Variants in MLLT1 observed in about 807,000 individuals in gnomAD.
The protein encoded by MLLT1 is MLLT1 super elongation complex subunit.
Under a neutral mutation model 55.1 loss-of-function variants are expected in MLLT1, and 11 were observed. That is an observed-to-expected ratio of 0.20 (90% CI 0.13 to 0.33). The LOEUF (loss-of-function observed/expected upper bound fraction) is 0.33. MLLT1 is among the 10% of genes least tolerant of loss of function. The pLI is 1.00. For synonymous variants in MLLT1, 323 were observed against 320.1 expected (o/e 1.01, Z -0.10); for missense variants, 536 against 760.6 (o/e 0.70, Z 3.47).
chr19:6,248,277 C>G (rs1322631993), intron 3 of MLLT1, among the ~76,000 whole-genome samples: 2 of 152,216 alleles, frequency 1.3e-5, no homozygotes, highest in African/African-American at 4.8e-5. Context: ...AACAGGTTAT[C>G]TGCACAGCTT....
chr19:6,213,281 A>C (rs2090799548), intron 11 of MLLT1, 56 bp downstream of exon 11: 3 of 1,608,846 alleles, frequency 1.9e-6, no homozygotes, highest in Non-Finnish European at 2.6e-6. Context: ...CCCGCAGCCC[A>C]CACTCCTCAC....
chr19:6,269,579 A>G (rs1379136978), intron 2 of MLLT1, among the ~76,000 whole-genome samples: 1 of 152,140 alleles, frequency 6.6e-6, no homozygotes, highest in Non-Finnish European at 1.5e-5. Context: ...GTCAACGCCC[A>G]TCACTTCCCC....
In MLLT1 at chr19:6,213,421, G is replaced by A. The variant is rs754458618; in HGVS notation, c.1480-13C>T. 7.5e-6 allele frequency: 12 copies of A among 1,608,852 alleles called. No homozygotes were observed. The highest frequency in any genetic ancestry group is 4.4e-5 in the South Asian group (4 of 91,046). On this transcript the variant is annotated splice_polypyrimidine_tract_variant and intron_variant, in intron 10 of 11. Transcript: ENST00000252674. ...CATCCGTGTAGGCCTGGGGAGGGGGGGCAGGTCTCAGCAGCGTGTGGGGGC... is the reference window on the plus strand; with the variant it reads ...CATCCGTGTAGGCCTGGGGAGGGGGAGCAGGTCTCAGCAGCGTGTGGGGGC...
chr19:6,231,477 G>C lies in MLLT1; in HGVS notation c.277-764C>G, dbSNP rs2091009612. On this transcript the variant is annotated intron_variant, in intron 3 of 11. Transcript: ENST00000252674. This position sits in a 1 kb window ranked among gnomAD's most constrained non-coding sequence, Gnocchi z 5.1. ...CTGTGGAGGCCTAGCCACATGTGCAGGGGCTGTGTTTCTGTGAACCTTGAA... is the reference window on the plus strand; with the variant it reads ...CTGTGGAGGCCTAGCCACATGTGCACGGGCTGTGTTTCTGTGAACCTTGAA... Among the ~76,000 whole-genome samples the C allele has an allele frequency of 6.6e-6, 1 of 152,152 alleles. No homozygotes were observed. Among genetic ancestry groups the C allele is most frequent in the Non-Finnish European group, 1.5e-5 (1 of 68,030 alleles).
intron 10 of MLLT1, 150 bp from the exon 11 acceptor site, chr19:6,213,558 C>T: frequency 1.0e-6 from 1 of 983,022 alleles, no homozygotes; most frequent in African/African-American, 1.6e-5. Context: ...GCAGGGGCAG[C>T]CCCTCAGCTC....
In MLLT1 at chr19:6,213,751, A is replaced by G; in HGVS notation, c.1454T>C (p.Ile485Thr). 1.9e-6 allele frequency: 3 copies of G among 1,567,932 alleles called. No homozygotes were observed. The highest frequency in any genetic ancestry group is 2.6e-6 in the Non-Finnish European group (3 of 1,159,794). Residue 485 changes from isoleucine (I) to threonine (T), a missense_variant, in exon 10 of 12, where the codon ATC (isoleucine) becomes ACC (threonine). Ile to Thr is a moderately conservative substitution (Grantham distance 89, BLOSUM62 -1). Transcript: ENST00000252674. The stretch of plus-strand genomic sequence containing the variant: ...CTTGTCGTAGGTGCCCTTCTTGAGG[A>G]TCTTCTCAGGCTTGCTGCAGGACTC... ...SPESCSKPEK[I>T]LKKGTYDKAY...
At position 6,262,381 on chromosome 19, in the gene MLLT1, C is replaced by T; in HGVS notation, c.194-71G>A. ...TCAGGCCCAGCTGCCAGCGGCAGTA[C>T]CGCACCCCTCAACCCCACCACCTCC... On this transcript the variant is annotated intron_variant, in intron 2 of 11. Transcript: ENST00000252674. This position sits in a 1 kb window ranked among gnomAD's most constrained non-coding sequence, Gnocchi z 4.4. The T allele has an allele frequency of 2.2e-6, 3 of 1,345,732 alleles. No individual in the cohort carries two copies. Among genetic ancestry groups the T allele is most frequent in the South Asian group, 1.2e-5 (1 of 84,190 alleles). The allele number at this position is 1,345,732 out of a possible 1,614,324, so 83.4% of individuals were successfully genotyped here. A position where few individuals can be genotyped will look rare whatever the true frequency, so the allele number is the denominator to read the frequency against.
rs115144574 is a variant in MLLT1 at position 6,235,735 on chromosome 19, C to T, written c.277-5022G>A. 0.012 allele frequency among the ~76,000 whole-genome samples: 1,891 copies of T among 152,272 alleles called. 31 individuals carry two copies. The highest frequency in any genetic ancestry group is 0.039 in the African/African-American group (1,614 of 41,550). On this transcript the variant is annotated intron_variant, in intron 3 of 11. Coordinates refer to ENST00000252674, the MANE Select transcript of MLLT1 (RefSeq NM_005934.4). The surrounding 1 kb of genome is among the most constrained non-coding windows in gnomAD (Gnocchi z 5.5). ...TTCCACCACAGCCCCCTTTCAGGCA[C>T]GGTATCTCCATGGGCTCAGGGCTCA...
intron 6 of MLLT1, among the ~76,000 whole-genome samples, chr19:6,220,204 G>C (rs2090883694): frequency 6.6e-6 from 1 of 152,238 alleles, no homozygotes; most frequent in African/African-American, 2.4e-5. Flanking sequence ...ACAGCCTCTG[G>C]GGAGGAGCAG....
At position 6,226,500 on chromosome 19, in the gene MLLT1, CCTG is replaced by C. The variant is rs2090958452; in HGVS notation, c.546+474_546+476del. Among the ~76,000 whole-genome samples, 2 of 152,154 alleles carry C rather than the reference CCTG, an allele frequency of 1.3e-5. No individual in the cohort carries two copies. The highest frequency in any genetic ancestry group is 3.2e-3 in the Middle Eastern group (1 of 314). ...TTCAGCTGGCACCCACCTGGCTTCC[CCTG>C]CCCTTCCCCCACGAAACTCTGCAGT... On this transcript the variant is annotated intron_variant, in intron 5 of 11. Coordinates refer to ENST00000252674, the MANE Select transcript of MLLT1 (RefSeq NM_005934.4). The surrounding 1 kb of genome is among the most constrained non-coding windows in gnomAD (Gnocchi z 6.3).
intron 2 of MLLT1, among the ~76,000 whole-genome samples, chr19:6,268,615 T>C (rs1371140485): frequency 6.6e-6 from 1 of 152,202 alleles, no homozygotes; most frequent in Non-Finnish European, 1.5e-5. Context: ...GTTCACTCCC[T>C]CTCTAAAGTT....
At chr19:6,252,939 C>T (rs1474066806) in intron 3 of MLLT1, among the ~76,000 whole-genome samples, 1 of 152,002 alleles carries the variant, frequency 6.6e-6, no homozygotes, top group Non-Finnish European at 1.5e-5. Flanking sequence ...GTAAATAAGA[C>T]ATAACCTTAG....
At chr19:6,255,502 A>C (rs558226179) in intron 3 of MLLT1, among the ~76,000 whole-genome samples, 1 of 152,304 alleles carries the variant, frequency 6.6e-6, no homozygotes, top group South Asian at 2.1e-4. Flanking sequence ...AAACAAAACA[A>C]GGCAAAAAAA....
intron 1 of MLLT1, among the ~76,000 whole-genome samples, chr19:6,274,382 C>T (rs962787942): frequency 6.6e-6 from 1 of 152,216 alleles, no homozygotes; most frequent in Non-Finnish European, 1.5e-5. Flanking sequence ...AACCACCCCC[C>T]TTCCCCCACA....
At chr19:6,234,995 T>C (rs1299853643) in intron 3 of MLLT1, among the ~76,000 whole-genome samples, 3 of 152,050 alleles carry the variant, frequency 2.0e-5, no homozygotes, top group African/African-American at 7.3e-5. Flanking sequence ...CATGGTAACA[T>C]AAGAGATGAC....
chr19:6,267,623 G>A (rs951776658), intron 2 of MLLT1, among the ~76,000 whole-genome samples: 3 of 152,156 alleles, frequency 2.0e-5, no homozygotes, highest in Admixed American at 1.3e-4. Context: ...TCTCTGGAGT[G>A]GCCCAGAGTT....
At chr19:6,269,759 C>T (rs2144958496) in intron 2 of MLLT1, among the ~76,000 whole-genome samples, 1 of 152,346 alleles carries the variant, frequency 6.6e-6, no homozygotes, top group East Asian at 1.9e-4. Context: ...CCAGCCCAGC[C>T]AGGGCTCTTC....
intron 3 of MLLT1, among the ~76,000 whole-genome samples, chr19:6,258,824 C>T (rs1231059852): frequency 1.3e-5 from 2 of 152,214 alleles, no homozygotes; most frequent in African/African-American, 4.8e-5. Flanking sequence ...CCTCAACCTC[C>T]TTTGGGCCCT....
Position 6,231,393 on chromosome 19 carries a change from A to G in MLLT1, c.277-680T>C, listed in dbSNP as rs2091008767. ...GAGTGAGGGGCTGTGATGAATACAG[A>G]AAGGCCAGGAGGGCTCAGGGCAGGC... On this transcript the variant is annotated intron_variant, in intron 3 of 11. Transcript: ENST00000252674. This position sits in a 1 kb window ranked among gnomAD's most constrained non-coding sequence, Gnocchi z 5.1. Among the ~76,000 whole-genome samples, 1 of 152,154 alleles carries G rather than the reference A, an allele frequency of 6.6e-6. No individual in the cohort carries two copies. Among genetic ancestry groups the G allele is most frequent in the African/African-American group, 2.4e-5 (1 of 41,434 alleles).
Sources: gnomAD v4.1 joint callset for allele counts (sites outside exome capture counted in the v4.1 genomes callset) on GRCh38, gnomAD v4.1.1 for gene constraint, Gnocchi (gnomAD v3.1) non-coding constraint, MANE v1.5 for transcripts, NCBI Gene and HGNC (gene_info 2026-07-23, HGNC 2026-07-21) for gene names.